Variants in GNAO1 observed in about 807,000 individuals in gnomAD.
GNAO1 encodes the protein G protein subunit alpha o1.
For missense variants in GNAO1, 166 were observed against 478.7 expected (o/e 0.35, Z 6.10); for synonymous variants, 164 against 180.7 (o/e 0.91, Z 0.74).
At chr16:56,260,945 C>A (rs1567459070) in intron 2 of GNAO1, among the ~76,000 whole-genome samples, 1 of 152,166 alleles carries the variant, frequency 6.6e-6, no homozygotes, top group African/African-American at 2.4e-5. Context: ...GAATTCTCCC[C>A]TACTCTTGTT....
chr16:56,335,996 T>C (rs2037736624), intron 5 of GNAO1, among the ~76,000 whole-genome samples: 1 of 152,156 alleles, frequency 6.6e-6, no homozygotes, highest in Non-Finnish European at 1.5e-5. Context: ...GCAGGCTGTG[T>C]GTCAGCAGGC....
At chr16:56,196,308 A>G (rs767991779) in intron 2 of GNAO1, among the ~76,000 whole-genome samples, 72 of 152,184 alleles carry the variant, frequency 4.7e-4, no homozygotes, top group Non-Finnish European at 8.1e-4. Flanking sequence ...GGCATTTTAA[A>G]TAATTTTGCT....
rs867456373 is a variant in GNAO1 at position 56,343,698 on chromosome 16, G to T, written c.723+6838G>T. The T allele has an allele frequency of 1.4e-4, 185 of 1,328,828 alleles. No homozygotes were observed. In the Middle Eastern group the frequency reaches 4.4e-3, roughly 32 times the overall value. The allele number at this position is 1,328,828 out of a possible 1,614,324, so 82.3% of individuals were successfully genotyped here. On this transcript the variant is annotated intron_variant, in intron 6 of 8. Coordinates refer to ENST00000262493, the MANE Select transcript of GNAO1 (RefSeq NM_020988.3). Reference sequence around the variant, plus strand: ...GGATGGCCACACAGGCCAGGCTGGGGTCGTCCATGCCAAGCAGTCCCATGG... The same window carrying T: ...GGATGGCCACACAGGCCAGGCTGGGTTCGTCCATGCCAAGCAGTCCCATGG...
chr16:56,337,887 A>G (rs1452117839), intron 6 of GNAO1, among the ~76,000 whole-genome samples: 2 of 152,144 alleles, frequency 1.3e-5, no homozygotes, highest in African/African-American at 2.4e-5. Flanking sequence ...CCCATAGGCT[A>G]TGGGGTCACA....
intron 2 of GNAO1, among the ~76,000 whole-genome samples, chr16:56,210,837 G>A (rs1325027971): frequency 6.6e-6 from 1 of 152,108 alleles, no homozygotes; most frequent in African/African-American, 2.4e-5. Context: ...CTGGTCTTTT[G>A]CAAATATTTT....
intron 2 of GNAO1, among the ~76,000 whole-genome samples, chr16:56,225,440 A>G (rs2036525448): frequency 6.6e-6 from 1 of 152,162 alleles, no homozygotes. Flanking sequence ...CAGAAGAGAA[A>G]ATGGAGGTTG....
intron 2 of GNAO1, among the ~76,000 whole-genome samples, chr16:56,234,422 G>A (rs75638436): frequency 0.017 from 2,639 of 152,368 alleles, 48 homozygotes; most frequent in South Asian, 0.053. Context: ...AGACATGCTC[G>A]GGGCCTGCAG....
At position 56,351,802 on chromosome 16, in the gene GNAO1, C is replaced by T. The variant is rs778283506; in HGVS notation, c.877+265C>T. The T allele has an allele frequency of 7.3e-5, 31 of 427,296 alleles. No individual in the cohort carries two copies. The highest frequency in any genetic ancestry group is 1.3e-4 in the Non-Finnish European group (31 of 234,944). 26.5% of individuals were successfully genotyped at this position (427,296 alleles called of 1,614,324 possible). A position where few individuals can be genotyped will look rare whatever the true frequency, so the allele number is the denominator to read the frequency against. On this transcript the variant is annotated intron_variant, in intron 7 of 8. Transcript: ENST00000262493. This position sits in a 1 kb window ranked among gnomAD's most constrained non-coding sequence, Gnocchi z 6.1. ...CTCAGGAGTGGTGGGGAGCAGGGGG[C>T]AGGACAGGATCACAGGCTTCCCCCT...
intron 3 of GNAO1, chr16:56,307,331 T>C (rs2143598457): frequency 6.6e-6 from 1 of 152,316 alleles, no homozygotes; most frequent in African/African-American, 2.4e-5. Context: ...GGTAGGGAGA[T>C]ATGGCAGCCA....
chr16:56,332,326 T>C (rs1202541982), intron 4 of GNAO1, among the ~76,000 whole-genome samples: 1 of 152,150 alleles, frequency 6.6e-6, no homozygotes, highest in Non-Finnish European at 1.5e-5. Flanking sequence ...CCACGTGTGC[T>C]TCCTGCCGCC....
chr16:56,311,575 C>T lies in GNAO1; in HGVS notation c.304-17056C>T, dbSNP rs1325895404. The stretch of plus-strand genomic sequence containing the variant: ...ATGGCGCCTTGGCTGGAGCAGGCCA[C>T]CCACCTGGCCCTGCGCTGAACTGAG... On this transcript the variant is annotated intron_variant, in intron 3 of 8. Coordinates refer to ENST00000262493, the MANE Select transcript of GNAO1 (RefSeq NM_020988.3). This position sits in a 1 kb window ranked among gnomAD's most constrained non-coding sequence, Gnocchi z 5.2. 6.6e-6 allele frequency among the ~76,000 whole-genome samples: 1 copy of T among 152,150 alleles called. No homozygotes were observed. The highest frequency in any genetic ancestry group is 2.4e-5 in the African/African-American group (1 of 41,432).
intron 3 of GNAO1, among the ~76,000 whole-genome samples, chr16:56,297,943 C>T (rs1419231524): frequency 3.9e-5 from 6 of 152,076 alleles, no homozygotes; most frequent in East Asian, 1.9e-4. Context: ...CAAAGGTGGG[C>T]GGATCACTTG....
Position 56,198,064 on chromosome 16 carries a change from C to CA in GNAO1, c.161+5456dup, listed in dbSNP as rs1365804809. Among the ~76,000 whole-genome samples the CA allele has an allele frequency of 9.2e-5, 14 of 151,564 alleles. No homozygotes were observed. In the East Asian group the frequency reaches 1.2e-3, roughly 13 times the overall value. ...CCAAACTGAAAAAAACAAAACAAAA[C>CA]AAAAAAAACCACATTTTGGAAAGAG... On this transcript the variant is annotated intron_variant, in intron 2 of 8. Transcript: ENST00000262493.
Position 56,354,976 on chromosome 16 carries a change from A to G in GNAO1, c.988A>G (p.Asn330Asp). 1 of 1,613,570 alleles carries G rather than the reference A, an allele frequency of 6.2e-7. No homozygotes were observed. The highest frequency in any genetic ancestry group is 8.5e-7 in the Non-Finnish European group (1 of 1,179,512). ...TCACATGACTTGTGCCACAGACACG[A>G]ATAACATCCAGGTGGTGTTCGACGC... ...YCHMTCATDT[N>D]NIQVVFDAVT... The change falls in exon 8 of 9, where the codon AAT (asparagine) becomes GAT (aspartate). Residue 330 changes from asparagine to aspartate, a missense_variant. Physicochemically the swap from Asn to Asp is conservative, Grantham distance 23. Transcript: ENST00000262493. The surrounding 1 kb of genome is among the most constrained non-coding windows in gnomAD (Gnocchi z 4.3).
intron 3 of GNAO1, among the ~76,000 whole-genome samples, chr16:56,277,819 A>ACG (rs1567466382): frequency 1.4e-5 from 2 of 139,750 alleles, no homozygotes; most frequent in African/African-American, 5.3e-5. Flanking sequence ...ACACACACAC[A>ACG]CACACACACA....
intron 5 of GNAO1, among the ~76,000 whole-genome samples, chr16:56,335,474 C>G (rs2037731779): frequency 6.6e-6 from 1 of 152,194 alleles, no homozygotes; most frequent in Admixed American, 6.5e-5. Flanking sequence ...TGCACTGAGG[C>G]CTGCTCCGTC....
intron 2 of GNAO1, among the ~76,000 whole-genome samples, chr16:56,220,709 A>ACCCT (rs2036476539): frequency 6.6e-6 from 1 of 152,010 alleles, no homozygotes; most frequent in African/African-American, 2.4e-5. Flanking sequence ...CAAGGGTTCC[A>ACCCT]CCCTCGTGGA....
intron 2 of GNAO1, among the ~76,000 whole-genome samples, chr16:56,256,720 G>C (rs4374166): frequency 0.14 from 6,421 of 46,354 alleles, 154 homozygotes; most frequent in South Asian, 0.17. Flanking sequence ...CTCTCTCTCT[G>C]TGTGTGTGTG....
chr16:56,222,450 G>A (rs1409511833), intron 2 of GNAO1, among the ~76,000 whole-genome samples: 2 of 152,174 alleles, frequency 1.3e-5, no homozygotes, highest in Non-Finnish European at 2.9e-5. Context: ...CCCTGGGTTT[G>A]CCCCTCTACA....
Sources: allele counts gnomAD v4.1 joint callset (sites outside exome capture counted in the v4.1 genomes callset), GRCh38; gene constraint gnomAD v4.1.1; non-coding constraint Gnocchi (gnomAD v3.1); transcripts MANE v1.5; gene names NCBI Gene and HGNC (gene_info 2026-07-23, HGNC 2026-07-21).